SFSWAP: variants seen among roughly 807,000 people sequenced by gnomAD.
The protein encoded by SFSWAP is splicing factor SWAP, also known as splicing factor, suppressor of white-apricot homolog.
Under a neutral mutation model 100.7 loss-of-function variants are expected in SFSWAP, and 17 were observed. The ratio of observed to expected loss-of-function variants is 0.17; its 90% confidence interval spans 0.12 to 0.25. SFSWAP has a LOEUF of 0.25. Among genes scored for constraint, SFSWAP ranks in the 10% least tolerant of loss-of-function variants. The pLI, the probability that SFSWAP is intolerant of heterozygous loss-of-function variation, is 1.00. For missense variants in SFSWAP, 1,005 were observed against 1,262.6 expected (o/e 0.80, Z 3.09); for synonymous variants, 504 against 510.1 (o/e 0.99, Z 0.16).
chr12:131,793,443 G>T (rs942633698), intron 15 of SFSWAP, among the ~76,000 whole-genome samples: 7 of 152,118 alleles, frequency 4.6e-5, no homozygotes, highest in African/African-American at 1.7e-4. Context: ...GGGAAAAAGT[G>T]CACTGCATGC....
intron 1 of SFSWAP, chr12:131,713,295 C>A (rs1877561180): frequency 6.6e-6 from 1 of 152,204 alleles, no homozygotes; most frequent in South Asian, 2.1e-4. Flanking sequence ...GCTCCCATTA[C>A]TTATTTGGCC....
rs959208427 is a variant in SFSWAP, at chr12:131,756,345, C to T, written c.1549-128C>T. ...CAGATCTGGATTTGGAAGTCTGTTC[C>T]CAGTGCTGCTTGGGCAGTAATGTAC... On this transcript the variant is annotated intron_variant, in intron 10 of 17. Coordinates refer to ENST00000261674, the MANE Select transcript of SFSWAP (RefSeq NM_004592.4). 5 of 748,590 alleles carry T rather than the reference C, an allele frequency of 6.7e-6. No individual in the cohort carries two copies. In the East Asian group the frequency reaches 7.8e-5, roughly 12 times the overall value. 46.4% of individuals were successfully genotyped at this position (748,590 alleles called of 1,614,324 possible).
chr12:131,755,633 G>A (rs959741369), intron 10 of SFSWAP, among the ~76,000 whole-genome samples, 154 bp downstream of exon 10: 9 of 151,958 alleles, frequency 5.9e-5, no homozygotes, highest in East Asian at 3.9e-4. Flanking sequence ...CATCTTTCAC[G>A]TCCCCCTTAG....
intron 8 of SFSWAP, 179 bp downstream of exon 8, chr12:131,753,542 G>A (rs1324579363): frequency 1.2e-6 from 1 of 866,316 alleles, no homozygotes; most frequent in Non-Finnish European, 1.7e-6. Context: ...AGAAATGGTT[G>A]TAGCACAAAC....
In SFSWAP at chr12:131,725,077, C is replaced by G. The variant is rs1205473270; in HGVS notation, c.607-328C>G. Among the ~76,000 whole-genome samples the G allele has an allele frequency of 6.6e-6, 1 of 152,216 alleles. No homozygotes were observed. The highest frequency in any genetic ancestry group is 6.5e-5 in the Admixed American group (1 of 15,284). On this transcript the variant is annotated intron_variant, in intron 4 of 17. Coordinates refer to ENST00000261674, the MANE Select transcript of SFSWAP (RefSeq NM_004592.4). The surrounding 1 kb of genome is among the most constrained non-coding windows in gnomAD (Gnocchi z 4.3). ...AGTGCTTGTTTGTAAAATTCACATG[C>G]ACAGAGGATTCACAAACCCCCTGAA...
rs779426528 is a variant in SFSWAP at position 131,727,053 on chromosome 12, G to GT, written c.945+6dup. 8 of 1,532,076 alleles carry GT rather than the reference G, an allele frequency of 5.2e-6. No homozygotes were observed. Among genetic ancestry groups the GT allele is most frequent in the Non-Finnish European group, 7.2e-6 (8 of 1,110,514 alleles). 94.9% of individuals were successfully genotyped at this position (1,532,076 alleles called of 1,614,324 possible). A position where few individuals can be genotyped will look rare whatever the true frequency, so the allele number is the denominator to read the frequency against. On this transcript the variant is annotated splice_donor_variant, in intron 6 of 17. Transcript: ENST00000261674. LOFTEE classifies it high-confidence loss of function. ...TAACCGCCTTGAAGAGCTGATGAAG[G>GT]TTTTTATCTCATTGTTGAACTATAT...
At chr12:131,717,188 A>G (rs917477643) in intron 3 of SFSWAP, among the ~76,000 whole-genome samples, 8 of 152,002 alleles carry the variant, frequency 5.3e-5, no homozygotes, top group Non-Finnish European at 1.5e-5. Flanking sequence ...TTAAAATAAA[A>G]TTTTTTTTCC....
intron 12 of SFSWAP, among the ~76,000 whole-genome samples, chr12:131,765,730 A>G (rs1883064867): frequency 6.6e-6 from 1 of 152,142 alleles, no homozygotes; most frequent in Admixed American, 6.5e-5. Flanking sequence ...CTCCCTAAGC[A>G]AACTTGTACT....
chr12:131,774,103 C>T (rs1017201785), intron 13 of SFSWAP, among the ~76,000 whole-genome samples: 4 of 152,110 alleles, frequency 2.6e-5, no homozygotes, highest in African/African-American at 9.7e-5. Flanking sequence ...GCCGCATTTC[C>T]GCTGAGACAG....
At chr12:131,798,288 A>G (rs1343143136) in intron 16 of SFSWAP, among the ~76,000 whole-genome samples, 2 of 152,138 alleles carry the variant, frequency 1.3e-5, no homozygotes, top group Non-Finnish European at 2.9e-5. Context: ...TGGGTGACAG[A>G]GAGAGACCCT....
chr12:131,745,211 G>C, intron 7 of SFSWAP, among the ~76,000 whole-genome samples: 1 of 152,334 alleles, frequency 6.6e-6, no homozygotes, highest in Non-Finnish European at 1.5e-5. Flanking sequence ...ACATCTTAAG[G>C]AGTTTTTGGT....
intron 3 of SFSWAP, among the ~76,000 whole-genome samples, chr12:131,718,450 A>G (rs1034519865): frequency 2.0e-5 from 3 of 152,252 alleles, no homozygotes; most frequent in Admixed American, 6.5e-5. Flanking sequence ...ACTGGTAATC[A>G]TCTGAGTTAC....
Position 131,711,610 on chromosome 12 carries a change from G to A in SFSWAP, c.218+163G>A, listed in dbSNP as rs1295160726. On this transcript the variant is annotated intron_variant, in intron 1 of 17. Transcript: ENST00000261674. This position sits in a 1 kb window ranked among gnomAD's most constrained non-coding sequence, Gnocchi z 4.9. ...CACCTCCTCCTGGTGTTCTGGTGGGGAGGGGGACGGTGAAACCTGCCCTAA... is the reference window on the plus strand; with the variant it reads ...CACCTCCTCCTGGTGTTCTGGTGGGAAGGGGGACGGTGAAACCTGCCCTAA... 7.9e-6 allele frequency: 5 copies of A among 629,144 alleles called. No homozygotes were observed. In the East Asian group the frequency reaches 8.3e-5, roughly 10 times the overall value. 39.0% of individuals were successfully genotyped at this position (629,144 alleles called of 1,614,324 possible).
intron 9 of SFSWAP, among the ~76,000 whole-genome samples, chr12:131,754,953 T>G (rs1214979608): frequency 6.6e-6 from 1 of 152,150 alleles, no homozygotes; most frequent in Non-Finnish European, 1.5e-5. Context: ...GATAAATACA[T>G]TTTTTAATTG....
intron 11 of SFSWAP, among the ~76,000 whole-genome samples, chr12:131,763,525 C>T (rs1296513454): frequency 6.6e-6 from 1 of 152,132 alleles, no homozygotes; most frequent in Middle Eastern, 3.2e-3. Context: ...TTTAGGGCCT[C>T]CATATTTCCC....
intron 13 of SFSWAP, among the ~76,000 whole-genome samples, chr12:131,771,118 A>G (rs1159089124): frequency 2.0e-5 from 3 of 152,176 alleles, no homozygotes; most frequent in African/African-American, 7.2e-5. Flanking sequence ...GAAAAACTCA[A>G]TTCGATTCAT....
At position 131,754,641 on chromosome 12, in the gene SFSWAP, T is replaced by G. The variant is rs542451811; in HGVS notation, c.1454+142T>G. 2,708 of 506,784 alleles carry G rather than the reference T, an allele frequency of 5.3e-3. 48 individuals carry two copies. The highest frequency in any genetic ancestry group is 0.012 in the South Asian group (293 of 24,266). 31.4% of individuals were successfully genotyped at this position (506,784 alleles called of 1,614,324 possible). ...GGCTCAAATGTCTTTTTTTTTTTTT[T>G]TTTTTTTTTTGAGATGGAGTCTTGC... On this transcript the variant is annotated intron_variant, in intron 9 of 17. Coordinates refer to ENST00000261674, the MANE Select transcript of SFSWAP (RefSeq NM_004592.4).
intron 7 of SFSWAP, among the ~76,000 whole-genome samples, chr12:131,745,860 A>G (rs1439964025): frequency 6.6e-6 from 1 of 152,190 alleles, no homozygotes; most frequent in Non-Finnish European, 1.5e-5. Flanking sequence ...CAGCAGCCGA[A>G]TAAGCCTGCA....
chr12:131,797,657 G>C (rs1361318429), intron 16 of SFSWAP, among the ~76,000 whole-genome samples: 6 of 152,234 alleles, frequency 3.9e-5, no homozygotes, highest in African/African-American at 1.4e-4. Flanking sequence ...TGCCCACCAG[G>C]CACACTGGGC....
Sources: allele counts gnomAD v4.1 joint callset (sites outside exome capture counted in the v4.1 genomes callset), GRCh38; gene constraint gnomAD v4.1.1; non-coding constraint Gnocchi (gnomAD v3.1); transcripts MANE v1.5; gene names NCBI Gene and HGNC (gene_info 2026-07-23, HGNC 2026-07-21).